The following CYP3A4 variants were observed in gnomAD, a reference collection of about 807,000 sequenced individuals.
CYP3A4 encodes cytochrome P450 3A4.
CYP3A4 carries 41 observed loss-of-function variants against 54.9 expected under a neutral mutation model. The observed-to-expected ratio is 0.75, with a 90% CI of 0.58 to 0.97. The LOEUF (loss-of-function observed/expected upper bound fraction) is 0.97, where lower values mean the gene tolerates loss of function less well. Among genes scored for constraint, CYP3A4 ranks in the 50% least tolerant of loss-of-function variants. The pLI, the probability that CYP3A4 is intolerant of heterozygous loss-of-function variation, is 0.00. For synonymous variants in CYP3A4, 179 were observed against 205.2 expected (o/e 0.87, Z 1.09); for missense variants, 510 against 597.3 (o/e 0.85, Z 1.52).
chr7:99,761,027 C>T (rs753161473), intron 11 of CYP3A4, 46 bp from the exon 12 acceptor site: 2 of 1,595,844 alleles, frequency 1.3e-6, no homozygotes, highest in East Asian at 2.2e-5. Flanking sequence ...GACATAATAC[C>T]CCTAAGAGTT....
At chr7:99,769,557 C>T (rs892268460) in intron 6 of CYP3A4, 1 of 583,478 alleles carries the variant, frequency 1.7e-6, no homozygotes, top group Admixed American at 3.0e-5. Flanking sequence ...AACCCTGGCC[C>T]CTGTGCACAG....
intron 7 of CYP3A4, 87 bp from the exon 8 acceptor site, chr7:99,767,345 A>G: frequency 8.3e-7 from 1 of 1,209,732 alleles, no homozygotes; most frequent in Non-Finnish European, 1.1e-6. Context: ...TTTCTCTACC[A>G]ACCAGAAGAG....
chr7:99,779,851 A>G, intron 2 of CYP3A4, 141 bp downstream of exon 2: 1 of 759,054 alleles, frequency 1.3e-6, no homozygotes. Flanking sequence ...AAACATTGCC[A>G]TGTTCTGGGT....
chr7:99,759,840 C>T (rs1815271414), intron 12 of CYP3A4, among the ~76,000 whole-genome samples: 1 of 143,560 alleles, frequency 7.0e-6, no homozygotes, highest in Admixed American at 6.7e-5. Context: ...AAGGGAACAA[C>T]ATTTTTTTTT....
chr7:99,770,311 AG>A, intron 4 of CYP3A4, 76 bp from the exon 5 acceptor site: 1 of 1,336,126 alleles, frequency 7.5e-7, no homozygotes, highest in South Asian at 1.2e-5. Flanking sequence ...TGTGTTAAAC[AG>A]GAACACTTAT....
rs753163577 is a variant in CYP3A4 at position 99,769,790 on chromosome 7, C to G, written c.499G>C (p.Gly167Arg). ...TACTCTTTCAAGGTGACAGGCTTGCCTGTCTCTGCTTCCCGCCTCAGATTT... is the reference window on the plus strand; with the variant it reads ...TACTCTTTCAAGGTGACAGGCTTGCGTGTCTCTGCTTCCCGCCTCAGATTT... ...VRNLRREAET[G>R]KPVTLKDVFG... Residue 167 changes from glycine to arginine, a missense_variant, in exon 6 of 13, where the codon GGC becomes CGC. Coordinates refer to ENST00000651514, the MANE Select transcript of CYP3A4 (RefSeq NM_017460.6). 1 of 1,613,996 alleles carries G rather than the reference C, an allele frequency of 6.2e-7. No individual in the cohort carries two copies. The highest frequency in any genetic ancestry group is 1.1e-5 in the South Asian group (1 of 91,078).
intron 7 of CYP3A4, 76 bp downstream of exon 7, chr7:99,768,278 A>C: frequency 7.0e-7 from 1 of 1,425,230 alleles, no homozygotes; most frequent in East Asian, 2.3e-5. Flanking sequence ...GATGAATTAC[A>C]TGGTGATTTA....
chr7:99,778,164 C>A, intron 2 of CYP3A4, 84 bp from the exon 3 acceptor site: 2 of 1,112,718 alleles, frequency 1.8e-6, no homozygotes, highest in East Asian at 2.6e-5. Flanking sequence ...ACAGTCGAAG[C>A]CAATGAAATC....
intron 6 of CYP3A4, 58 bp downstream of exon 6, chr7:99,769,710 G>A: frequency 6.3e-7 from 1 of 1,595,522 alleles, no homozygotes. Context: ...CAGCTCCATG[G>A]CAGGCAGCTG....
At chr7:99,774,425 C>A (rs565087119) in intron 3 of CYP3A4, among the ~76,000 whole-genome samples, 1 of 152,038 alleles carries the variant, frequency 6.6e-6, no homozygotes. Flanking sequence ...TAAAGAATAT[C>A]GATGCGAAAA....
chr7:99,778,859 C>G (rs537223911), intron 2 of CYP3A4, among the ~76,000 whole-genome samples: 1 of 152,220 alleles, frequency 6.6e-6, no homozygotes, highest in South Asian at 2.1e-4. Flanking sequence ...AAGAGTTGAC[C>G]TGGAAAAGGT....
intron 3 of CYP3A4, among the ~76,000 whole-genome samples, chr7:99,776,658 C>T (rs939316975): frequency 2.0e-5 from 3 of 151,806 alleles, no homozygotes; most frequent in African/African-American, 4.8e-5. Flanking sequence ...CACATGGACA[C>T]GGGGAGGGAA....
intron 1 of CYP3A4, among the ~76,000 whole-genome samples, chr7:99,783,609 T>TA (rs1410267330): frequency 2.1e-5 from 3 of 143,548 alleles, no homozygotes; most frequent in Non-Finnish European, 4.6e-5. Context: ...TGAACATCTT[T>TA]TTTTTTTTTT....
chr7:99,780,357 T>G (rs950064501), intron 1 of CYP3A4, among the ~76,000 whole-genome samples: 32 of 152,198 alleles, frequency 2.1e-4, no homozygotes, highest in African/African-American at 7.2e-4. Flanking sequence ...ATAAATGTTC[T>G]CAAATGTGAA....
At chr7:99,770,291 T>C in intron 4 of CYP3A4, 56 bp from the exon 5 acceptor site, 1 of 1,471,576 alleles carries the variant, frequency 6.8e-7, no homozygotes, top group Admixed American at 1.7e-5. Flanking sequence ...GTCTCCATGG[T>C]TGTAGAAAAT....
intron 2 of CYP3A4, among the ~76,000 whole-genome samples, chr7:99,778,654 T>G (rs1815834603): frequency 6.6e-6 from 1 of 152,218 alleles, no homozygotes; most frequent in African/African-American, 2.4e-5. Context: ...GAACTCACTT[T>G]CCAGTTTTCC....
At chr7:99,780,536 G>A in intron 1 of CYP3A4, among the ~76,000 whole-genome samples, 1 of 152,202 alleles carries the variant, frequency 6.6e-6, no homozygotes, top group East Asian at 1.9e-4. Context: ...CAGCCACTCA[G>A]TCACAGAGGG....
rs755577760 is a variant in CYP3A4, at chr7:99,761,006, A to T, written c.1254-25T>A. The T allele has an allele frequency of 6.2e-6, 10 of 1,610,862 alleles. No homozygotes were observed. The Admixed American group carries it at 1.0e-4, about 16-fold the overall frequency. ...TCTGGTTCCACGTTGGTAGATTTTT[A>T]AAAAGTTAATGACATAATACCCCTA... On this transcript the variant is annotated intron_variant, in intron 11 of 12. Coordinates refer to ENST00000651514, the MANE Select transcript of CYP3A4 (RefSeq NM_017460.6).
intron 12 of CYP3A4, 97 bp downstream of exon 12, chr7:99,760,722 G>A: frequency 6.8e-7 from 1 of 1,462,046 alleles, no homozygotes. Context: ...GAACAAATTA[G>A]TAAAAGATTA....
Sources: gnomAD v4.1 joint callset for allele counts (sites outside exome capture counted in the v4.1 genomes callset) on GRCh38, gnomAD v4.1.1 for gene constraint, MANE v1.5 for transcripts, NCBI Gene and HGNC (gene_info 2026-07-23, HGNC 2026-07-21) for gene names.